NCAM2: variants seen among roughly 807,000 people sequenced by gnomAD.
The protein encoded by NCAM2 is neural cell adhesion molecule 2, also known as N-CAM-2.
A neutral mutation model predicts 98.1 loss-of-function variants in NCAM2; 30 were observed. That is an observed-to-expected ratio of 0.31 (90% CI 0.23 to 0.41). The LOEUF is 0.41. NCAM2 is among the 10% of genes least tolerant of loss of function. The pLI, the probability that NCAM2 is intolerant of heterozygous loss-of-function variation, is 1.00. For synonymous variants in NCAM2, 368 were observed against 342.4 expected (o/e 1.07, Z -0.83); for missense variants, 867 against 1,005.8 (o/e 0.86, Z 1.87).
intron 10 of NCAM2, among the ~76,000 whole-genome samples, chr21:21,411,139 T>TATATATAC (rs2076875335): frequency 8.2e-6 from 1 of 121,302 alleles, no homozygotes; most frequent in African/African-American, 3.1e-5. Context: ...TATATATGTA[T>TATATATAC]ATATATATAC....
intron 1 of NCAM2, among the ~76,000 whole-genome samples, chr21:21,146,735 C>A (rs184954857): frequency 6.6e-6 from 1 of 152,144 alleles, no homozygotes; most frequent in Non-Finnish European, 1.5e-5. Flanking sequence ...ATACATTATT[C>A]ATGCTACGGG....
At chr21:21,419,159 AGAAT>A (rs1444267911) in intron 11 of NCAM2, among the ~76,000 whole-genome samples, 3 of 152,156 alleles carry the variant, frequency 2.0e-5, no homozygotes, top group Non-Finnish European at 4.4e-5. Context: ...CTTTTTATAA[AGAAT>A]GAATCACTTT....
chr21:21,321,698 A>G (rs989635797), intron 5 of NCAM2, among the ~76,000 whole-genome samples: 2 of 152,088 alleles, frequency 1.3e-5, no homozygotes, highest in Admixed American at 1.3e-4. Flanking sequence ...AACTTTGTCA[A>G]AGTTCAGATG....
intron 5 of NCAM2, among the ~76,000 whole-genome samples, chr21:21,303,086 T>C (rs1419043734): frequency 4.6e-5 from 7 of 151,952 alleles, no homozygotes; most frequent in Non-Finnish European, 5.9e-5. Context: ...CCATAGACAC[T>C]GCAGAATACT....
chr21:21,227,557 C>T (rs2070438553), intron 1 of NCAM2, among the ~76,000 whole-genome samples: 1 of 151,660 alleles, frequency 6.6e-6, no homozygotes, highest in Admixed American at 6.6e-5. Context: ...AACAGCATTT[C>T]ATAGTTTTTC....
At chr21:21,279,343 T>C (rs1427804559) in intron 1 of NCAM2, among the ~76,000 whole-genome samples, 1 of 152,014 alleles carries the variant, frequency 6.6e-6, no homozygotes, top group African/African-American at 2.4e-5. Flanking sequence ...TCCAGTCCAG[T>C]GTTATCTGGT....
chr21:21,044,957 C>G (rs904490169), intron 1 of NCAM2, among the ~76,000 whole-genome samples: 3 of 151,882 alleles, frequency 2.0e-5, no homozygotes, highest in Non-Finnish European at 4.4e-5. Flanking sequence ...TATACACACA[C>G]AGATACAAAT....
chr21:21,280,431 T>C lies in NCAM2; in HGVS notation c.56-147T>C, dbSNP rs1268782668. 4 of 570,428 alleles carry C rather than the reference T, an allele frequency of 7.0e-6. No homozygotes were observed. The East Asian group carries it at 1.3e-4, about 18-fold the overall frequency. The allele number at this position is 570,428 out of a possible 1,614,324, so 35.3% of individuals were successfully genotyped here. A position where few individuals can be genotyped will look rare whatever the true frequency, so the allele number is the denominator to read the frequency against. ...AATATGTATAATGGTAGATCATGTT[T>C]TACAAAACTTTCATTTTTCTTTATA... On this transcript the variant is annotated intron_variant, in intron 1 of 17. Coordinates refer to ENST00000400546, the MANE Select transcript of NCAM2 (RefSeq NM_004540.5).
intron 12 of NCAM2, among the ~76,000 whole-genome samples, chr21:21,465,241 A>AT (rs569427707): frequency 3.3e-5 from 5 of 151,864 alleles, no homozygotes; most frequent in Non-Finnish European, 5.9e-5. Flanking sequence ...TCAACAATGT[A>AT]TTTTTTTCTT....
chr21:21,368,867 T>A (rs141642028), intron 8 of NCAM2, among the ~76,000 whole-genome samples: 179 of 151,982 alleles, frequency 1.2e-3, no homozygotes, highest in African/African-American at 4.1e-3. Flanking sequence ...AAATCACAAG[T>A]GCATCTACTT....
intron 5 of NCAM2, among the ~76,000 whole-genome samples, chr21:21,298,952 C>T (rs1211803250): frequency 1.3e-5 from 2 of 150,930 alleles, no homozygotes; most frequent in African/African-American, 4.9e-5. Context: ...TAGGGGCTGA[C>T]CTTTGTATGT....
intron 8 of NCAM2, among the ~76,000 whole-genome samples, chr21:21,355,817 C>T (rs1298286246): frequency 6.6e-6 from 1 of 151,850 alleles, no homozygotes; most frequent in Admixed American, 6.6e-5. Flanking sequence ...GCATGTTGGC[C>T]AGGCTGGTCT....
At chr21:21,183,037 AC>A (rs1334491515) in intron 1 of NCAM2, among the ~76,000 whole-genome samples, 1 of 152,188 alleles carries the variant, frequency 6.6e-6, no homozygotes, top group Non-Finnish European at 1.5e-5. Context: ...ACCAGCAGTG[AC>A]TGTGCATACA....
intron 1 of NCAM2, among the ~76,000 whole-genome samples, chr21:21,166,518 C>G (rs1213671493): frequency 2.0e-5 from 3 of 152,024 alleles, no homozygotes; most frequent in Non-Finnish European, 4.4e-5. Context: ...GTCATCAAGA[C>G]TTATACAATG....
chr21:21,089,488 G>A (rs928540718), intron 1 of NCAM2, among the ~76,000 whole-genome samples: 6 of 152,128 alleles, frequency 3.9e-5, no homozygotes, highest in African/African-American at 1.4e-4. Context: ...AGTTCCCTGA[G>A]CTCTGTCACT....
intron 1 of NCAM2, among the ~76,000 whole-genome samples, chr21:21,178,495 T>C (rs998427312): frequency 6.6e-6 from 1 of 152,218 alleles, no homozygotes. Context: ...ATTTTCTGAT[T>C]ATTTTTCCAG....
At chr21:21,419,169 A>G (rs375079553) in intron 11 of NCAM2, among the ~76,000 whole-genome samples, 1 of 152,148 alleles carries the variant, frequency 6.6e-6, no homozygotes, top group East Asian at 1.9e-4. Flanking sequence ...AGAATGAATC[A>G]CTTTTAAAAA....
intron 6 of NCAM2, among the ~76,000 whole-genome samples, chr21:21,331,518 T>TCTCTCC (rs59081104): frequency 4.0e-4 from 3 of 7,580 alleles, no homozygotes; most frequent in African/African-American, 1.1e-3. Flanking sequence ...TCTCTCTCTC[T>TCTCTCC]ATATATATAT....
At position 21,208,504 on chromosome 21, in the gene NCAM2, G is replaced by C. The variant is rs566527846; in HGVS notation, c.56-72074G>C. Among the ~76,000 whole-genome samples, 8 of 152,192 alleles carry C rather than the reference G, an allele frequency of 5.3e-5. No individual in the cohort carries two copies. The East Asian group carries it at 1.5e-3, about 29-fold the overall frequency. On this transcript the variant is annotated intron_variant, in intron 1 of 17. Transcript: ENST00000400546. The stretch of plus-strand genomic sequence containing the variant: ...ATTTTATTTCTTGTTTTCAATGTTA[G>C]GATGACCTTGGGTAAAAGACAGCAT...
Sources: gnomAD v4.1 joint callset for allele counts (sites outside exome capture counted in the v4.1 genomes callset) on GRCh38, gnomAD v4.1.1 for gene constraint, MANE v1.5 for transcripts, NCBI Gene and HGNC (gene_info 2026-07-23, HGNC 2026-07-21) for gene names.